Variants in MEGF8 observed in about 807,000 individuals in gnomAD.
The protein encoded by MEGF8 is multiple EGF like domains 8, also known as multiple epidermal growth factor-like domains protein 8.
A neutral mutation model predicts 302.9 loss-of-function variants in MEGF8; 156 were observed. That is an observed-to-expected ratio of 0.52 (90% CI 0.45 to 0.59). The LOEUF (loss-of-function observed/expected upper bound fraction) is 0.59, where lower values mean the gene tolerates loss of function less well. Ranked by LOEUF, MEGF8 falls within the 20% of genes least tolerant of loss-of-function variation. The pLI, the probability that MEGF8 is intolerant of heterozygous loss-of-function variation, is 0.00. For synonymous variants in MEGF8, 1,621 were observed against 1,660.5 expected (o/e 0.98, Z 0.58); for missense variants, 3,345 against 3,964.5 (o/e 0.84, Z 4.20).
chr19:42,351,789 G>A lies in MEGF8; in HGVS notation c.3101+28G>A. 6.5e-7 allele frequency: 1 copy of A among 1,532,022 alleles called. No individual in the cohort carries two copies. Among genetic ancestry groups the A allele is most frequent in the Non-Finnish European group, 8.9e-7 (1 of 1,129,318 alleles). 94.9% of individuals were successfully genotyped at this position (1,532,022 alleles called of 1,614,324 possible). A position where few individuals can be genotyped will look rare whatever the true frequency, so the allele number is the denominator to read the frequency against. The stretch of plus-strand genomic sequence containing the variant: ...GAGCCCGGGCAGGTGGGTGGGCAGG[G>A]TGCCCGGCTGTGTCCTTCCTCCATG... On this transcript the variant is annotated intron_variant, in intron 18 of 41. Coordinates refer to ENST00000251268, the MANE Select transcript of MEGF8 (RefSeq NM_001271938.2). The surrounding 1 kb of genome is among the most constrained non-coding windows in gnomAD (Gnocchi z 5.6).
At chr19:42,370,952 G>A (rs2039683028) in intron 40 of MEGF8, 121 bp downstream of exon 40, 2 of 585,890 alleles carry the variant, frequency 3.4e-6, no homozygotes, top group Admixed American at 2.7e-5. Flanking sequence ...CCAGTCAGGA[G>A]AGGATGACAT....
Position 42,360,876 on chromosome 19 carries a change from C to T in MEGF8, c.5590C>T (p.Leu1864=), listed in dbSNP as rs775870539. The T allele has an allele frequency of 1.9e-6, 3 of 1,613,528 alleles. No homozygotes were observed. The highest frequency in any genetic ancestry group is 3.3e-5 in the Admixed American group (2 of 60,014). ...CTCTGGGGGTTTCGGGGGAGTGGCC[C>T]TGGGCCGCCTGCTGGCACTGACCCT... ...YISGGFGGVA[L]GRLLALTLPP... is the part of the protein sequence containing the mutation. The change falls in exon 32 of 42, where the codon CTG becomes TTG. Residue 1864 remains leucine (L), a synonymous_variant. Coordinates refer to ENST00000251268, the MANE Select transcript of MEGF8 (RefSeq NM_001271938.2).
chr19:42,352,212 C>T lies in MEGF8; in HGVS notation c.3106C>T (p.Leu1036=). 1 of 1,535,194 alleles carries T rather than the reference C, an allele frequency of 6.5e-7. No homozygotes were observed. Among genetic ancestry groups the T allele is most frequent in the Non-Finnish European group, 8.8e-7 (1 of 1,135,658 alleles). ...NEDNPTLGRC[L]QGDFSGPLGG... ...CTTCACTCTCCCACCCTGCAGGTGC[C>T]TACAGGGGGACTTCTCAGGGCCCCT... Residue 1036 remains leucine, a synonymous_variant, in exon 19 of 42, where the codon CTA becomes TTA. Coordinates refer to ENST00000251268, the MANE Select transcript of MEGF8 (RefSeq NM_001271938.2). The surrounding 1 kb of genome is among the most constrained non-coding windows in gnomAD (Gnocchi z 4.4).
chr19:42,340,518 C>T (rs930926206), intron 8 of MEGF8, among the ~76,000 whole-genome samples: 5 of 152,100 alleles, frequency 3.3e-5, no homozygotes, highest in African/African-American at 7.2e-5. Context: ...CGTGAGCCAC[C>T]GTGCCTGGCC....
intron 8 of MEGF8, among the ~76,000 whole-genome samples, 177 bp downstream of exon 8, chr19:42,337,383 A>G (rs1411688296): frequency 6.6e-6 from 1 of 152,104 alleles, no homozygotes; most frequent in Non-Finnish European, 1.5e-5. Context: ...CACCATGGAG[A>G]TGGGAGGCCC....
chr19:42,373,057 C>A (rs940249091), intron 41 of MEGF8, among the ~76,000 whole-genome samples: 1 of 152,012 alleles, frequency 6.6e-6, no homozygotes, highest in Non-Finnish European at 1.5e-5. Context: ...TCCTCCTCTA[C>A]CAGGTCTGTT....
rs1198961277 is a variant in MEGF8 at position 42,376,819 on chromosome 19, G to A, written c.*44G>A. The A allele has an allele frequency of 4.9e-6, 7 of 1,417,152 alleles. No homozygotes were observed. The highest frequency in any genetic ancestry group is 2.6e-5 in the East Asian group (1 of 38,084). 87.8% of individuals were successfully genotyped at this position (1,417,152 alleles called of 1,614,324 possible). ...CCACAGCAGCTGGGTCACCTGATAG[G>A]GCCGCCCTGGACTTGGGGTCCCTCC... On this transcript the variant is annotated 3_prime_UTR_variant, in exon 42 of 42. Transcript: ENST00000251268. This position sits in a 1 kb window ranked among gnomAD's most constrained non-coding sequence, Gnocchi z 8.2.
Position 42,335,094 on chromosome 19 carries a change from G to C in MEGF8, c.618G>C (p.Leu206=), listed in dbSNP as rs1441180027. The C allele has an allele frequency of 6.2e-7, 1 of 1,613,826 alleles. No individual in the cohort carries two copies. Among genetic ancestry groups the C allele is most frequent in the Non-Finnish European group, 8.5e-7 (1 of 1,179,890 alleles). The change falls in exon 4 of 42, where the codon CTG becomes CTC. Residue 206 remains leucine (L), a synonymous_variant. Transcript: ENST00000251268. ...TGGGACGTGCCTGTGACCTGCACCT[G>C]TGGGAGAACCAGGGGGCTGGGTGGT... The part of the protein sequence containing the change: ...GFLGRACDLH[L]WENQGAGWWH...
At chr19:42,365,766 C>T (rs1451864360) in intron 35 of MEGF8, among the ~76,000 whole-genome samples, 9 of 135,014 alleles carry the variant, frequency 6.7e-5, no homozygotes, top group African/African-American at 2.6e-4. Flanking sequence ...AGCGAGACCC[C>T]GTCTCTAAAA....
chr19:42,343,328 A>G lies in MEGF8; in HGVS notation c.1514-149A>G, dbSNP rs2039241040. The stretch of plus-strand genomic sequence containing the variant: ...GAGGGAGCTCAGCTTGTTCAGGGCC[A>G]GGTGGGCTGGGAGAGTGTCCTTGGG... On this transcript the variant is annotated intron_variant, in intron 8 of 41. Coordinates refer to ENST00000251268, the MANE Select transcript of MEGF8 (RefSeq NM_001271938.2). 7 of 755,842 alleles carry G rather than the reference A, an allele frequency of 9.3e-6. No individual in the cohort carries two copies. The East Asian group carries it at 1.9e-4, about 21-fold the overall frequency. The allele number at this position is 755,842 out of a possible 1,614,324, so 46.8% of individuals were successfully genotyped here.
intron 15 of MEGF8, 36 bp downstream of exon 15, chr19:42,350,420 G>A (rs2039351634): frequency 6.9e-7 from 1 of 1,459,330 alleles, no homozygotes; most frequent in South Asian, 1.4e-5. Context: ...TCACAAGGTG[G>A]AGGGAGCCAC....
At chr19:42,349,126 A>G (rs900092268) in intron 13 of MEGF8, among the ~76,000 whole-genome samples, 2 of 152,164 alleles carry the variant, frequency 1.3e-5, no homozygotes, top group Non-Finnish European at 2.9e-5. Flanking sequence ...ATGGCGAGAC[A>G]TCATCTCTCC....
Position 42,326,177 on chromosome 19 carries a change from G to C in MEGF8, c.-67G>C. On this transcript the variant is annotated 5_prime_UTR_variant, in exon 1 of 42. Coordinates refer to ENST00000251268, the MANE Select transcript of MEGF8 (RefSeq NM_001271938.2). ...GGTCGCATTTGCAGGGCCTCACCCC[G>C]GGTAGAGGGTCCTCTCCAGGTTTTT... 7.0e-7 allele frequency: 1 copy of C among 1,435,690 alleles called. No homozygotes were observed. Among genetic ancestry groups the C allele is most frequent in the Non-Finnish European group, 9.1e-7 (1 of 1,100,550 alleles). The allele number at this position is 1,435,690 out of a possible 1,614,324, so 88.9% of individuals were successfully genotyped here. A position where few individuals can be genotyped will look rare whatever the true frequency, so the allele number is the denominator to read the frequency against.
chr19:42,350,457 C>A (rs2039352193), intron 15 of MEGF8, 73 bp downstream of exon 15: 5 of 1,346,952 alleles, frequency 3.7e-6, no homozygotes, highest in Non-Finnish European at 4.9e-6. Context: ...TCAAGGGAAC[C>A]CCTGGTGGGG....
Position 42,371,387 on chromosome 19 carries a change from C to G in MEGF8, c.7174C>G (p.Gln2392Glu). ...CNGHADTCNE[Q>E]DGTGCPCQNN... ...TGGCCACGCGGACACATGTAACGAG[C>G]AGGATGGGACGGGCTGTCCATGTCA... The change falls in exon 41 of 42, where the codon CAG (glutamine) becomes GAG (glutamate). Residue 2392 changes from glutamine (Q) to glutamate (E), a missense_variant. Transcript: ENST00000251268. The G allele has an allele frequency of 6.2e-7, 1 of 1,613,962 alleles. No homozygotes were observed. The highest frequency in any genetic ancestry group is 1.7e-5 in the Admixed American group (1 of 60,022).
intron 41 of MEGF8, among the ~76,000 whole-genome samples, chr19:42,372,063 CAACAACAACAA>C (rs2039699328): frequency 6.7e-6 from 1 of 149,240 alleles, no homozygotes; most frequent in Non-Finnish European, 1.5e-5. Context: ...ACAACAACAA[CAACAACAACAA>C]ACACACACAC....
chr19:42,376,365 G>T lies in MEGF8; in HGVS notation c.8128G>T (p.Ala2710Ser). 6.2e-7 allele frequency: 1 copy of T among 1,613,352 alleles called. No homozygotes were observed. The highest frequency in any genetic ancestry group is 1.7e-5 in the Admixed American group (1 of 60,018). ...VTVCFPPDPT[A>S]PASAWKPAGL... ...CGTCTGCTTCCCACCTGACCCTACT[G>T]CCCCGGCCTCCGCCTGGAAGCCGGC... Residue 2710 changes from alanine to serine, a missense_variant, in exon 42 of 42, where the codon GCC becomes TCC. Transcript: ENST00000251268. This position sits in a 1 kb window ranked among gnomAD's most constrained non-coding sequence, Gnocchi z 8.2.
chr19:42,356,908 G>C lies in MEGF8; in HGVS notation c.4757G>C (p.Gly1586Ala), dbSNP rs1365155635. 8.7e-6 allele frequency: 14 copies of C among 1,610,068 alleles called. No individual in the cohort carries two copies. The highest frequency in any genetic ancestry group is 1.2e-5 in the Non-Finnish European group (14 of 1,178,476). ...AGRGAMYLLG[G>A]LTAGGVTRDF... Reference sequence around the variant, plus strand: ...CGTGGTGCCATGTATCTGCTGGGGGGACTTACCGCTGGAGGCGTCACCCGT... The same window carrying C: ...CGTGGTGCCATGTATCTGCTGGGGGCACTTACCGCTGGAGGCGTCACCCGT... Residue 1586 changes from glycine to alanine, a missense_variant, in exon 27 of 42, where the codon GGA becomes GCA. Gly to Ala is a moderately conservative substitution (Grantham distance 60, BLOSUM62 0). Coordinates refer to ENST00000251268, the MANE Select transcript of MEGF8 (RefSeq NM_001271938.2). The surrounding 1 kb of genome is among the most constrained non-coding windows in gnomAD (Gnocchi z 5.2).
In MEGF8 at chr19:42,376,917, C is replaced by A; in HGVS notation, c.*142C>A. On this transcript the variant is annotated 3_prime_UTR_variant, in exon 42 of 42. Coordinates refer to ENST00000251268, the MANE Select transcript of MEGF8 (RefSeq NM_001271938.2). The surrounding 1 kb of genome is among the most constrained non-coding windows in gnomAD (Gnocchi z 8.2). Reference sequence around the variant, plus strand: ...TCCCCCAGGGTTGCCCAGATGGGGCCTCCTTTGTTCTGCATTCAGCAGCTA... The same window carrying A: ...TCCCCCAGGGTTGCCCAGATGGGGCATCCTTTGTTCTGCATTCAGCAGCTA... 1.2e-6 allele frequency: 1 copy of A among 831,220 alleles called. No homozygotes were observed. The highest frequency in any genetic ancestry group is 1.7e-6 in the Non-Finnish European group (1 of 586,830). The allele number at this position is 831,220 out of a possible 1,614,324, so 51.5% of individuals were successfully genotyped here. A position where few individuals can be genotyped will look rare whatever the true frequency, so the allele number is the denominator to read the frequency against.
Sources: allele counts gnomAD v4.1 joint callset (sites outside exome capture counted in the v4.1 genomes callset), GRCh38; gene constraint gnomAD v4.1.1; non-coding constraint Gnocchi (gnomAD v3.1); transcripts MANE v1.5; gene names NCBI Gene and HGNC (gene_info 2026-07-23, HGNC 2026-07-21).